The following UMODL1 variants were observed in gnomAD, a reference collection of about 807,000 sequenced individuals.
UMODL1 encodes the protein uromodulin-like 1.
Under a neutral mutation model 136.3 loss-of-function variants are expected in UMODL1, and 128 were observed. The ratio of observed to expected loss-of-function variants is 0.94; its 90% confidence interval spans 0.81 to 1.09. UMODL1 has a LOEUF of 1.09. UMODL1 is among the 50% of genes least tolerant of loss of function. UMODL1 has a pLI of 0.00. For missense variants in UMODL1, 1,766 were observed against 1,725.6 expected (o/e 1.02, Z -0.41); for synonymous variants, 721 against 720.0 (o/e 1.00, Z -0.02).
intron 13 of UMODL1, among the ~76,000 whole-genome samples, chr21:42,114,673 A>C (rs147684367): frequency 0.01 from 1,528 of 152,378 alleles, 20 homozygotes; most frequent in Non-Finnish European, 0.017. Flanking sequence ...TGTGCTTTAA[A>C]GTACTAATCA....
At chr21:42,073,315 G>A (rs778638582) in intron 1 of UMODL1, among the ~76,000 whole-genome samples, 3 of 152,208 alleles carry the variant, frequency 2.0e-5, no homozygotes, top group Non-Finnish European at 4.4e-5. Context: ...CTTCATGCAA[G>A]TCACCTCTAG....
At chr21:42,067,240 G>A (rs906028631), upstream of UMODL1, among the ~76,000 whole-genome samples, 12 of 151,974 alleles carry the variant, frequency 7.9e-5, no homozygotes, top group African/African-American at 2.7e-4. Context: ...CAAAGTGCTG[G>A]GATTACAGGC....
upstream of UMODL1, among the ~76,000 whole-genome samples, chr21:42,066,460 A>G (rs2071436167): frequency 1.3e-5 from 2 of 152,068 alleles, no homozygotes; most frequent in South Asian, 4.2e-4. Flanking sequence ...TCTTTTTTGT[A>G]TTTTTAGTAG....
chr21:42,088,544 C>T lies in UMODL1; in HGVS notation c.790+64C>T, dbSNP rs1051674133. ...GGGTGGTGCCTGAACAGCCAAAATG[C>T]AAGGTGGACGCTAAAGCCAGACCAG... On this transcript the variant is annotated intron_variant, in intron 5 of 22. Coordinates refer to ENST00000408910, the MANE Select transcript of UMODL1 (RefSeq NM_001004416.3). 5.4e-6 allele frequency: 8 copies of T among 1,476,414 alleles called. No individual in the cohort carries two copies. In the Admixed American group the frequency reaches 1.3e-4, roughly 24 times the overall value. 91.5% of individuals were successfully genotyped at this position (1,476,414 alleles called of 1,614,324 possible). A position where few individuals can be genotyped will look rare whatever the true frequency, so the allele number is the denominator to read the frequency against.
chr21:42,084,203 C>T lies in UMODL1; in HGVS notation c.439C>T (p.Pro147Ser). Residue 147 changes from proline to serine, a missense_variant, in exon 3 of 23, where the codon CCC (proline) becomes TCC (serine). Transcript: ENST00000408910. Reference protein sequence around the residue: ...IDCPGLEKCCPWSGGRYCMAP... With the variant: ...IDCPGLEKCCSWSGGRYCMAP... ...CTGTCCTGGACTTGAGAAGTGCTGC[C>T]CCTGGTCAGGGGGGCGCTACTGCAT... 4 of 1,613,906 alleles carry T rather than the reference C, an allele frequency of 2.5e-6. No homozygotes were observed. Among genetic ancestry groups the T allele is most frequent in the African/African-American group, 2.7e-5 (2 of 75,046 alleles).
intron 15 of UMODL1, 34 bp from the exon 16 acceptor site, chr21:42,121,053 T>A (rs2066963834): frequency 6.3e-7 from 1 of 1,591,518 alleles, no homozygotes; most frequent in Non-Finnish European, 8.6e-7. Flanking sequence ...CCCCCAGGGA[T>A]GTTCTTCTGT....
intron 21 of UMODL1, among the ~76,000 whole-genome samples, chr21:42,137,049 C>T (rs2067214119): frequency 6.6e-6 from 1 of 152,202 alleles, no homozygotes; most frequent in Admixed American, 6.5e-5. Context: ...AGCCACTGCG[C>T]CCAGCCTGCA....
rs1285663085 is a variant in UMODL1 at position 42,085,880 on chromosome 21, A to C, written c.603+468A>C. Among the ~76,000 whole-genome samples the C allele has an allele frequency of 2.0e-5, 3 of 152,146 alleles. No homozygotes were observed. Among genetic ancestry groups the C allele is most frequent in the Non-Finnish European group, 2.9e-5 (2 of 68,016 alleles). ...AGCACCCTGGGGTCTGATGGTTAGCAGCGCCCCTGGCCTCTCCACACAAGT... is the reference window on the plus strand; with the variant it reads ...AGCACCCTGGGGTCTGATGGTTAGCCGCGCCCCTGGCCTCTCCACACAAGT... On this transcript the variant is annotated intron_variant, in intron 4 of 22. Transcript: ENST00000408910. The surrounding 1 kb of genome is among the most constrained non-coding windows in gnomAD (Gnocchi z 4.5).
upstream of UMODL1, among the ~76,000 whole-genome samples, chr21:42,069,229 A>AACACAC (rs61712292): frequency 0.029 from 4,018 of 136,354 alleles, 87 homozygotes; most frequent in African/African-American, 0.051. Flanking sequence ...CACAGACAGA[A>AACACAC]ACACACACAC....
intron 2 of UMODL1, among the ~76,000 whole-genome samples, chr21:42,079,867 T>C (rs2066340076): frequency 6.6e-6 from 1 of 152,202 alleles, no homozygotes. Context: ...TAAGGGAGTT[T>C]GTGGCATTTG....
intron 10 of UMODL1, among the ~76,000 whole-genome samples, 171 bp downstream of exon 10, chr21:42,109,870 TAGA>T (rs2066793362): frequency 6.6e-6 from 1 of 152,382 alleles, no homozygotes; most frequent in East Asian, 1.9e-4. Context: ...AAGAAATTAA[TAGA>T]AGGATAGTAA....
upstream of UMODL1, among the ~76,000 whole-genome samples, chr21:42,067,454 T>C (rs1186042818): frequency 2.0e-5 from 3 of 152,204 alleles, no homozygotes; most frequent in Non-Finnish European, 2.9e-5. Context: ...CACTATTCCC[T>C]TTTGGTAATT....
In UMODL1 at chr21:42,127,809, C is replaced by A. The variant is rs376325762; in HGVS notation, c.3668C>A (p.Ser1223Tyr). The A allele has an allele frequency of 2.5e-6, 4 of 1,611,986 alleles. No homozygotes were observed. Among genetic ancestry groups the A allele is most frequent in the Non-Finnish European group, 3.4e-6 (4 of 1,179,478 alleles). ...TGCAAACTCCGCGTCTGCATGGAAT[C>A]CCCCGGAGCCACGTGCAAAATCGTA... is the stretch of plus-strand genomic sequence containing the variant. Reference protein sequence around the residue: ...LHCKLRVCMESPGATCKINCN... With the variant: ...LHCKLRVCMEYPGATCKINCN... The change falls in exon 20 of 23, where the codon TCC (serine) becomes TAC (tyrosine). Residue 1223 changes from serine (S) to tyrosine (Y), a missense_variant. By Grantham distance (144) the Ser-to-Tyr change is moderately radical (BLOSUM62 -2). Transcript: ENST00000408910.
At chr21:42,097,675 G>A (rs1348772688) in intron 6 of UMODL1, among the ~76,000 whole-genome samples, 5 of 152,268 alleles carry the variant, frequency 3.3e-5, no homozygotes, top group African/African-American at 9.6e-5. Flanking sequence ...CCATGGTTTT[G>A]CAAAATATAT....
At chr21:42,095,087 C>CTCTTTTTTTTTT (rs1569151178) in intron 6 of UMODL1, among the ~76,000 whole-genome samples, 1 of 34,048 alleles carries the variant, frequency 2.9e-5, no homozygotes, top group Non-Finnish European at 7.2e-5. Flanking sequence ...TTTTCTTCTG[C>CTCTTTTTTTTTT]TGTTTTTTTT....
chr21:42,140,956 C>T (rs963753701), intron 22 of UMODL1, among the ~76,000 whole-genome samples: 3 of 152,226 alleles, frequency 2.0e-5, no homozygotes, highest in African/African-American at 7.2e-5. Context: ...CTCACCAACC[C>T]CATTGCCTCC....
At chr21:42,081,429 C>A (rs17114345) in intron 2 of UMODL1, among the ~76,000 whole-genome samples, 14,546 of 152,174 alleles carry the variant, frequency 0.096, 791 homozygotes, top group East Asian at 0.18. Context: ...GAGTTAGGGA[C>A]GAAGGAGATT....
chr21:42,136,748 T>C (rs1414010455), intron 21 of UMODL1, among the ~76,000 whole-genome samples: 2 of 152,104 alleles, frequency 1.3e-5, no homozygotes, highest in Non-Finnish European at 2.9e-5. Context: ...TTTTTTGTTT[T>C]GTTTTGTTTT....
In UMODL1 at chr21:42,127,123, C is replaced by T; in HGVS notation, c.3411C>T (p.Val1137=). The part of the protein sequence containing the change: ...QNYSVSASDD[V]RIEVGLYRQK... ...ATAGCGTGTCTGCCAGTGACGATGT[C>T]AGGATCGAAGTGGGGCTCTACAGGC... Residue 1137 remains valine (V), a synonymous_variant, in exon 19 of 23, where the codon GTC becomes GTT. Coordinates refer to ENST00000408910, the MANE Select transcript of UMODL1 (RefSeq NM_001004416.3). The T allele has an allele frequency of 6.2e-7, 1 of 1,614,166 alleles. No homozygotes were observed. Among genetic ancestry groups the T allele is most frequent in the Admixed American group, 1.7e-5 (1 of 60,014 alleles).
Sources: allele counts gnomAD v4.1 joint callset (sites outside exome capture counted in the v4.1 genomes callset), GRCh38; gene constraint gnomAD v4.1.1; non-coding constraint Gnocchi (gnomAD v3.1); transcripts MANE v1.5; gene names NCBI Gene and HGNC (gene_info 2026-07-23, HGNC 2026-07-21).